Variants in CCSER1 observed in about 807,000 individuals in gnomAD.
CCSER1 encodes the protein coiled-coil serine rich protein 1.
Under a neutral mutation model 82.0 loss-of-function variants are expected in CCSER1, and 41 were observed. That is an observed-to-expected ratio of 0.50 (90% CI 0.39 to 0.65). The LOEUF is 0.65. Among genes scored for constraint, CCSER1 ranks in the 30% least tolerant of loss-of-function variants. The pLI is 0.00. For missense variants in CCSER1, 1,119 were observed against 1,064.2 expected (o/e 1.05, Z -0.72); for synonymous variants, 414 against 383.9 (o/e 1.08, Z -0.92).
chr4:90,170,404 C>CTTT (rs60642438), intron 1 of CCSER1, among the ~76,000 whole-genome samples: 2 of 142,098 alleles, frequency 1.4e-5, no homozygotes. Context: ...AACAGCTAAC[C>CTTT]TTTTTTTTTT....
rs73835007 is a variant in CCSER1 at position 90,186,017 on chromosome 4, C to G, written c.-42+58186C>G. Among the ~76,000 whole-genome samples, 473 of 152,058 alleles carry G rather than the reference C, an allele frequency of 3.1e-3. 4 individuals are homozygous for G. The highest frequency in any genetic ancestry group is 0.011 in the African/African-American group (441 of 41,516). On this transcript the variant is annotated intron_variant, in intron 1 of 10. Transcript: ENST00000509176. ...AATTAAGCATTTTCATGTTGAGTTA[C>G]AAAATTGCCTACTTTCAGGGAATAA...
chr4:90,540,188 C>T (rs1382027849), intron 5 of CCSER1, among the ~76,000 whole-genome samples: 1 of 151,960 alleles, frequency 6.6e-6, no homozygotes, highest in Non-Finnish European at 1.5e-5. Flanking sequence ...TCAATGCAAA[C>T]TATTAGGGAG....
chr4:90,405,484 T>C (rs1753579538), intron 4 of CCSER1, among the ~76,000 whole-genome samples: 1 of 152,142 alleles, frequency 6.6e-6, no homozygotes, highest in African/African-American at 2.4e-5. Flanking sequence ...TAGAGACCTA[T>C]ACATCTAAAT....
intron 1 of CCSER1, among the ~76,000 whole-genome samples, chr4:90,167,729 G>GT (rs1730775188): frequency 6.6e-6 from 1 of 151,800 alleles, no homozygotes; most frequent in African/African-American, 2.4e-5. Flanking sequence ...GCAGTGTTTG[G>GT]TTTTTTGTCC....
At chr4:91,206,549 A>C (rs1334015678) in intron 10 of CCSER1, among the ~76,000 whole-genome samples, 1 of 151,944 alleles carries the variant, frequency 6.6e-6, no homozygotes, top group Admixed American at 6.6e-5. Context: ...AATATAGAGA[A>C]GGCCTTGCCC....
At chr4:91,271,305 G>A (rs1428774059) in intron 10 of CCSER1, among the ~76,000 whole-genome samples, 4 of 152,002 alleles carry the variant, frequency 2.6e-5, no homozygotes, top group Non-Finnish European at 5.9e-5. Flanking sequence ...GGAACAGGTG[G>A]TGTTTGGTTA....
At chr4:90,933,764 A>G (rs1010510402) in intron 9 of CCSER1, among the ~76,000 whole-genome samples, 1 of 151,978 alleles carries the variant, frequency 6.6e-6, no homozygotes, top group African/African-American at 2.4e-5. Flanking sequence ...TAAATATATT[A>G]CAAGTACATA....
intron 5 of CCSER1, among the ~76,000 whole-genome samples, chr4:90,604,992 G>C (rs559933356): frequency 7.2e-6 from 1 of 138,930 alleles, no homozygotes; most frequent in South Asian, 2.3e-4. Context: ...AGCGGCAACT[G>C]AGTGAGCTCC....
At chr4:90,493,495 G>A (rs984465649) in intron 5 of CCSER1, among the ~76,000 whole-genome samples, 10 of 152,152 alleles carry the variant, frequency 6.6e-5, no homozygotes, top group Non-Finnish European at 1.3e-4. Context: ...AGGAAAAAAT[G>A]TTAAGGGCAG....
chr4:90,817,989 T>C (rs1292024157), intron 8 of CCSER1, among the ~76,000 whole-genome samples: 1 of 152,180 alleles, frequency 6.6e-6, no homozygotes, highest in Non-Finnish European at 1.5e-5. Flanking sequence ...TACAGGTTCA[T>C]AATCTTTAAT....
intron 10 of CCSER1, among the ~76,000 whole-genome samples, chr4:91,301,835 G>T (rs1234514233): frequency 6.6e-6 from 1 of 151,916 alleles, no homozygotes; most frequent in Non-Finnish European, 1.5e-5. Context: ...ACAGGGCTCT[G>T]TGAATGGTGA....
At chr4:91,351,367 A>T (rs1260079970) in intron 10 of CCSER1, among the ~76,000 whole-genome samples, 2 of 152,012 alleles carry the variant, frequency 1.3e-5, no homozygotes, top group Non-Finnish European at 2.9e-5. Context: ...CTAATTTCTT[A>T]ATATTTATTG....
intron 7 of CCSER1, among the ~76,000 whole-genome samples, chr4:90,811,819 A>G (rs1455073993): frequency 6.6e-6 from 1 of 151,998 alleles, no homozygotes; most frequent in Admixed American, 6.6e-5. Context: ...CTTGGAATAC[A>G]GATAATTCTG....
chr4:90,551,415 C>A (rs1283466294), intron 5 of CCSER1, among the ~76,000 whole-genome samples: 1 of 152,052 alleles, frequency 6.6e-6, no homozygotes, highest in African/African-American at 2.4e-5. Context: ...TTCTTGCTTG[C>A]AGGCCTCAGA....
intron 5 of CCSER1, among the ~76,000 whole-genome samples, chr4:90,531,946 G>C (rs952401730): frequency 6.6e-6 from 1 of 151,888 alleles, no homozygotes; most frequent in Non-Finnish European, 1.5e-5. Context: ...TGGTTAGATT[G>C]GAAAGGTGTT....
intron 3 of CCSER1, among the ~76,000 whole-genome samples, chr4:90,369,352 G>A (rs111526453): frequency 1.0e-5 from 1 of 97,380 alleles, no homozygotes; most frequent in Admixed American, 1.1e-4. Flanking sequence ...AGAAAGAAAA[G>A]AGGAGGAAAA....
intron 10 of CCSER1, among the ~76,000 whole-genome samples, chr4:91,508,615 A>G (rs890980324): frequency 6.6e-6 from 1 of 151,110 alleles, no homozygotes; most frequent in African/African-American, 2.4e-5. Context: ...AATATTGACC[A>G]TATAGAATCA....
chr4:90,823,102 C>T (rs1341069446), intron 8 of CCSER1, among the ~76,000 whole-genome samples: 1 of 152,078 alleles, frequency 6.6e-6, no homozygotes, highest in African/African-American at 2.4e-5. Flanking sequence ...TAATGTATGA[C>T]TATTATCAGA....
chr4:90,175,224 TA>T (rs1560744390), intron 1 of CCSER1, among the ~76,000 whole-genome samples: 4 of 151,966 alleles, frequency 2.6e-5, no homozygotes, highest in Non-Finnish European at 5.9e-5. Context: ...AATGTCAAAC[TA>T]GTTATGCTGA....
Sources: allele counts gnomAD v4.1 joint callset (sites outside exome capture counted in the v4.1 genomes callset), GRCh38; gene constraint gnomAD v4.1.1; transcripts MANE v1.5; gene names NCBI Gene and HGNC (gene_info 2026-07-23, HGNC 2026-07-21).